Variants in APPL2 observed in about 807,000 individuals in gnomAD.
APPL2 encodes the protein adaptor protein, phosphotyrosine interacting with PH domain and leucine zipper 2.
APPL2 carries 84 observed loss-of-function variants against 92.7 expected under a neutral mutation model. That is an observed-to-expected ratio of 0.91 (90% CI 0.76 to 1.09). APPL2 has a LOEUF of 1.09. APPL2 is among the 50% of genes least tolerant of loss of function. The pLI is 0.00. For missense variants in APPL2, 736 were observed against 824.5 expected (o/e 0.89, Z 1.31); for synonymous variants, 291 against 291.0 (o/e 1.00, Z 0.00).
rs866975263 is a variant in APPL2, at chr12:105,189,990, C to T, written c.1406+1G>A. The T allele has an allele frequency of 6.2e-7, 1 of 1,614,066 alleles. No individual in the cohort carries two copies. The highest frequency in any genetic ancestry group is 2.2e-5 in the East Asian group (1 of 44,894). On this transcript the variant is annotated splice_donor_variant, in intron 15 of 20. Coordinates refer to ENST00000258530, the MANE Select transcript of APPL2 (RefSeq NM_018171.5). LOFTEE classifies it high-confidence loss of function. ...CAGAGATAACCTCTCTCAGCCCATA[C>T]CTGCTCCCTCTGTTCTGATCAAGGA... is the stretch of plus-strand genomic sequence containing the variant.
chr12:105,199,297 G>C (rs1181023001), intron 10 of APPL2, 76 bp downstream of exon 10: 23 of 1,521,280 alleles, frequency 1.5e-5, no homozygotes, highest in Non-Finnish European at 2.0e-5. Context: ...CTTTAATGAG[G>C]CACGTAAGAT....
In APPL2 at chr12:105,176,862, C is replaced by CA; in HGVS notation, c.1812+13dup. On this transcript the variant is annotated intron_variant, in intron 19 of 20. Transcript: ENST00000258530. ...GGACTGGGATATTATGGGATCTTCA[C>CA]ATGAAAAAGAGACCTTTTCGCCTTC... The CA allele has an allele frequency of 6.2e-7, 1 of 1,612,428 alleles. No individual in the cohort carries two copies.
chr12:105,227,052 T>TA (rs1219177462), intron 2 of APPL2, among the ~76,000 whole-genome samples: 2 of 152,086 alleles, frequency 1.3e-5, no homozygotes, highest in East Asian at 3.9e-4. Flanking sequence ...GCCGTGGAGT[T>TA]AGAGGCTACA....
chr12:105,202,138 C>T (rs1454897519), intron 9 of APPL2, among the ~76,000 whole-genome samples: 1 of 152,252 alleles, frequency 6.6e-6, no homozygotes, highest in Non-Finnish European at 1.5e-5. Flanking sequence ...TCAAGTGCTG[C>T]AAGGTTCAGT....
At chr12:105,208,250 C>G (rs1888919354) in intron 5 of APPL2, 51 bp from the exon 6 acceptor site, 1 of 1,596,876 alleles carries the variant, frequency 6.3e-7, no homozygotes, top group Non-Finnish European at 8.6e-7. Context: ...TAAAACATGC[C>G]AACCCAGAGC....
At chr12:105,202,924 C>A (rs1888339540) in intron 9 of APPL2, among the ~76,000 whole-genome samples, 1 of 152,084 alleles carries the variant, frequency 6.6e-6, no homozygotes, top group Non-Finnish European at 1.5e-5. Context: ...AATGCAACAT[C>A]TTCAAGAAAA....
intron 1 of APPL2, among the ~76,000 whole-genome samples, chr12:105,234,238 A>T (rs555367548): frequency 3.3e-5 from 5 of 152,378 alleles, no homozygotes; most frequent in African/African-American, 1.2e-4. Context: ...TACACCATGT[A>T]GATATGACAA....
chr12:105,232,763 C>CAA (rs55939711), intron 1 of APPL2, among the ~76,000 whole-genome samples: 203 of 77,760 alleles, frequency 2.6e-3, no homozygotes, highest in East Asian at 4.4e-3. Context: ...GACCCTGTCT[C>CAA]AAAAAAAAAA....
chr12:105,198,602 A>T (rs924368855), intron 10 of APPL2, among the ~76,000 whole-genome samples: 1 of 152,146 alleles, frequency 6.6e-6, no homozygotes, highest in Non-Finnish European at 1.5e-5. Context: ...GGGTTATCAA[A>T]CACATTTACT....
At chr12:105,203,392 C>G (rs988489638) in intron 9 of APPL2, 1 of 318,722 alleles carries the variant, frequency 3.1e-6, no homozygotes, top group Admixed American at 4.7e-5. Context: ...CCATCTGCTA[C>G]TGCCACGTAC....
At chr12:105,200,498 C>T (rs1888067008) in intron 9 of APPL2, among the ~76,000 whole-genome samples, 1 of 152,234 alleles carries the variant, frequency 6.6e-6, no homozygotes, top group South Asian at 2.1e-4. Context: ...ACATTAGCCC[C>T]TGGCTTTCAT....
chr12:105,234,132 A>C (rs1386338797), intron 1 of APPL2, among the ~76,000 whole-genome samples: 1 of 152,240 alleles, frequency 6.6e-6, no homozygotes, highest in African/African-American at 2.4e-5. Flanking sequence ...AAGTCTCAAA[A>C]GCAATGACAA....
chr12:105,181,421 G>GT lies in APPL2; in HGVS notation c.1635-4160dup, dbSNP rs547966437. On this transcript the variant is annotated intron_variant, in intron 17 of 20. Coordinates refer to ENST00000258530, the MANE Select transcript of APPL2 (RefSeq NM_018171.5). ...ATCAGGGGTATTGCCCTGAAATTGT[G>GT]TTTTTTTATTGTGTCTCTGCCAGGT... Among the ~76,000 whole-genome samples, 787 of 152,072 alleles carry GT rather than the reference G, an allele frequency of 5.2e-3. 11 individuals are homozygous for GT. Among genetic ancestry groups the GT allele is most frequent in the African/African-American group, 0.018 (754 of 41,528 alleles).
chr12:105,192,102 T>G (rs12815190), intron 14 of APPL2, among the ~76,000 whole-genome samples: 1 of 151,834 alleles, frequency 6.6e-6, no homozygotes, highest in Non-Finnish European at 1.5e-5. Flanking sequence ...TTCTTTTTTT[T>G]AAAAAACACC....
intron 17 of APPL2, among the ~76,000 whole-genome samples, chr12:105,178,035 C>G (rs573493114): frequency 4.8e-4 from 73 of 152,220 alleles, no homozygotes; most frequent in Admixed American, 2.0e-3. Context: ...AGGGGATCTG[C>G]CTGCTTCAGT....
chr12:105,215,620 T>C (rs1476871954), intron 4 of APPL2, among the ~76,000 whole-genome samples: 1 of 152,322 alleles, frequency 6.6e-6, no homozygotes, highest in Non-Finnish European at 1.5e-5. Flanking sequence ...TGAATGTTAG[T>C]TTCTCATTTT....
Position 105,176,899 on chromosome 12 carries a change from C to A in APPL2, c.1789G>T (p.Glu597Ter), listed in dbSNP as rs765995069. 6 of 1,613,830 alleles carry A rather than the reference C, an allele frequency of 3.7e-6. No individual in the cohort carries two copies. Among genetic ancestry groups the A allele is most frequent in the Non-Finnish European group, 5.1e-6 (6 of 1,179,978 alleles). ...ACCTTTTCGCCTTCTGAGTTGCTTT[C>A]AAAAATGTATGTACTCAGAGATTCT... The part of the protein sequence containing the change: ...GEESLSTYIF[E>*]SNSEGEKICY... Residue 597 changes from glutamate (E) to a stop codon, truncating the protein, a stop_gained, in exon 19 of 21, where the codon GAA becomes TAA. Coordinates refer to ENST00000258530, the MANE Select transcript of APPL2 (RefSeq NM_018171.5). LOFTEE classifies it high-confidence loss of function.
chr12:105,178,993 T>A (rs759515696), intron 17 of APPL2, among the ~76,000 whole-genome samples: 2 of 152,170 alleles, frequency 1.3e-5, no homozygotes, highest in Admixed American at 6.5e-5. Flanking sequence ...TTTCTCTTTT[T>A]TTATTATTAT....
At chr12:105,219,277 C>G (rs79136735) in intron 2 of APPL2, among the ~76,000 whole-genome samples, 1,778 of 152,344 alleles carry the variant, frequency 0.012, 20 homozygotes, top group Middle Eastern at 0.041. Flanking sequence ...ACTGGCCAAC[C>G]TGTTCCCTGA....
Sources: gnomAD v4.1 joint callset for allele counts (sites outside exome capture counted in the v4.1 genomes callset) on GRCh38, gnomAD v4.1.1 for gene constraint, MANE v1.5 for transcripts, NCBI Gene and HGNC (gene_info 2026-07-23, HGNC 2026-07-21) for gene names.